The following BCLAF1 variants were observed in gnomAD, a reference collection of about 807,000 sequenced individuals.
BCLAF1 encodes BCL2 associated transcription factor 1.
In BCLAF1, 10 loss-of-function variants were observed where a neutral mutation model predicts 99.5. The ratio of observed to expected loss-of-function variants is 0.10; its 90% CI spans 0.06 to 0.17. BCLAF1 has a LOEUF of 0.17. Ranked by LOEUF, BCLAF1 falls within the 10% of genes least tolerant of loss-of-function variation. The pLI is 1.00. For synonymous variants in BCLAF1, 255 were observed against 370.9 expected (o/e 0.69, Z 3.59); for missense variants, 636 against 1,105.8 (o/e 0.58, Z 6.02).
At chr6:136,283,905 G>C (rs1784715494) in intron 1 of BCLAF1, among the ~76,000 whole-genome samples, 1 of 151,834 alleles carries the variant, frequency 6.6e-6, no homozygotes, top group East Asian at 1.9e-4. Context: ...GATTTCTAAA[G>C]GACATATAAG....
chr6:136,273,879 G>T, intron 6 of BCLAF1: 1 of 742,160 alleles, frequency 1.3e-6, no homozygotes, highest in Non-Finnish European at 1.8e-6. Context: ...ATAGAAAGAC[G>T]TATAAAGTCA....
chr6:136,263,840 G>GT (rs1781358713), intron 11 of BCLAF1, among the ~76,000 whole-genome samples: 1 of 152,110 alleles, frequency 6.6e-6, no homozygotes, highest in Non-Finnish European at 1.5e-5. Context: ...ACTAAAACTA[G>GT]TATCTTTCCT....
chr6:136,283,557 T>C (rs757689099), intron 1 of BCLAF1, among the ~76,000 whole-genome samples: 9 of 152,352 alleles, frequency 5.9e-5, no homozygotes, highest in African/African-American at 1.9e-4. Context: ...ACATCAAGTA[T>C]GTGCAAAGGA....
chr6:136,274,486 C>A (rs1442471979), intron 6 of BCLAF1, among the ~76,000 whole-genome samples: 2 of 151,762 alleles, frequency 1.3e-5, no homozygotes, highest in African/African-American at 4.8e-5. Flanking sequence ...CTACTCAGAG[C>A]CAAATAGCAA....
chr6:136,268,785 T>C (rs1178682035), intron 9 of BCLAF1: 3 of 166,898 alleles, frequency 1.8e-5, no homozygotes, highest in African/African-American at 4.8e-5. Flanking sequence ...GCATATGACA[T>C]TACAAATAAC....
rs755026500 is a variant in BCLAF1, at chr6:136,279,752, C to T, written c.104+11G>A. 8 of 1,548,816 alleles carry T rather than the reference C, an allele frequency of 5.2e-6. No individual in the cohort carries two copies. Among genetic ancestry groups the T allele is most frequent in the South Asian group, 5.1e-5 (4 of 77,830 alleles). Reference sequence around the variant, plus strand: ...ATAATTATTTTAAAAATTTAAAGCACATTAAATCACCTGTATCGCTTCTTT... The same window carrying T: ...ATAATTATTTTAAAAATTTAAAGCATATTAAATCACCTGTATCGCTTCTTT... On this transcript the variant is annotated intron_variant, in intron 3 of 12. Coordinates refer to ENST00000531224, the MANE Select transcript of BCLAF1 (RefSeq NM_014739.3).
In BCLAF1 at chr6:136,257,784, G is replaced by C. The variant is rs192412086; in HGVS notation, c.*3326C>G. The C allele has an allele frequency of 2.9e-4, 44 of 152,154 alleles. 1 individual carries two copies. Among genetic ancestry groups the C allele is most frequent in the Admixed American group, 2.4e-3 (37 of 15,296 alleles). The allele number at this position is 152,154 out of a possible 1,614,324, so 9.4% of individuals were successfully genotyped here. On this transcript the variant is annotated 3_prime_UTR_variant, in exon 13 of 13. Coordinates refer to ENST00000531224, the MANE Select transcript of BCLAF1 (RefSeq NM_014739.3). ...ACTCTGTAAATTGAGAAAGGCCTCT[G>C]AACTTCTCTTTCTGGATGTGAAAGT...
rs1676002774 is a variant in BCLAF1, at chr6:136,276,152, T to A, written c.1373A>T (p.Asn458Ile). Reference sequence around the variant, plus strand: ...ATATCCAGTCTCTTTAAGTTTATAATTTTTTTCTTCTCTAAATCCATCACT... The same window carrying A: ...ATATCCAGTCTCTTTAAGTTTATAAATTTTTTCTTCTCTAAATCCATCACT... The part of the protein sequence containing the change: ...RESDGFREEK[N>I]YKLKETGYVV... Residue 458 changes from asparagine (N) to isoleucine (I), a missense_variant, in exon 5 of 13, where the codon AAT becomes ATT. Coordinates refer to ENST00000531224, the MANE Select transcript of BCLAF1 (RefSeq NM_014739.3). The A allele has an allele frequency of 6.2e-7, 1 of 1,613,294 alleles. No homozygotes were observed. The highest frequency in any genetic ancestry group is 1.7e-5 in the Admixed American group (1 of 59,752).
chr6:136,269,608 T>C lies in BCLAF1; in HGVS notation c.2048A>G (p.Asp683Gly), dbSNP rs374000694. The change falls in exon 9 of 13, where the codon GAT becomes GGT. Residue 683 changes from aspartate to glycine, a missense_variant. By Grantham distance (94) the Asp-to-Gly change is moderately conservative. Transcript: ENST00000531224. ...RVFKEENQKG[D>G]KKLRCDSADL... ...AGCAGAGTCACACCTTAATTTTTTA[T>C]CTCCCTATAAAAGACAGATATAAAA... The C allele has an allele frequency of 6.5e-5, 103 of 1,592,754 alleles. No individual in the cohort carries two copies. Among genetic ancestry groups the C allele is most frequent in the Non-Finnish European group, 8.2e-5 (96 of 1,173,392 alleles).
intron 1 of BCLAF1, among the ~76,000 whole-genome samples, chr6:136,289,464 T>G (rs1265335566): frequency 2.0e-5 from 3 of 151,862 alleles, no homozygotes; most frequent in African/African-American, 4.8e-5. Context: ...GCTGTGGGTC[T>G]CCAGGCAGGT....
chr6:136,285,922 AC>A (rs1420157926), intron 1 of BCLAF1, among the ~76,000 whole-genome samples: 10 of 151,950 alleles, frequency 6.6e-5, no homozygotes, highest in Non-Finnish European at 1.5e-4. Context: ...ACATGGTGAA[AC>A]CCCGTCTCTA....
intron 11 of BCLAF1, among the ~76,000 whole-genome samples, chr6:136,264,919 C>G (rs1168726909): frequency 6.6e-6 from 1 of 152,104 alleles, no homozygotes; most frequent in African/African-American, 2.4e-5. Context: ...TGGCTAAATT[C>G]TTAAAATAAG....
In BCLAF1 at chr6:136,286,854, G is replaced by C. The variant is rs112684806; in HGVS notation, c.-115+2859C>G. On this transcript the variant is annotated intron_variant, in intron 1 of 12. Transcript: ENST00000531224. ...GTGGTGGCAGGCGCCTGTAATCCCA[G>C]TTACTCTGGAGGCTGAGGCAGGAGA... Among the ~76,000 whole-genome samples, 909 of 152,322 alleles carry C rather than the reference G, an allele frequency of 6.0e-3. 14 individuals are homozygous for C. Among genetic ancestry groups the C allele is most frequent in the South Asian group, 8.3e-3 (40 of 4,826 alleles).
chr6:136,262,209 C>T (rs1374242626), intron 11 of BCLAF1, among the ~76,000 whole-genome samples: 2 of 152,110 alleles, frequency 1.3e-5, no homozygotes, highest in Non-Finnish European at 2.9e-5. Context: ...CTGAAAAGTA[C>T]TTGACTTTGT....
Position 136,258,243 on chromosome 6 carries a change from A to T in BCLAF1, c.*2867T>A, listed in dbSNP as rs1780578197. On this transcript the variant is annotated 3_prime_UTR_variant, in exon 13 of 13. Coordinates refer to ENST00000531224, the MANE Select transcript of BCLAF1 (RefSeq NM_014739.3). ...GTTTTTAGAAAGAGAAGTAATCACC[A>T]TATTATGGGTGATAAGGTCCCAGAT... The T allele has an allele frequency of 6.6e-6, 1 of 152,126 alleles. No homozygotes were observed. 9.4% of individuals were successfully genotyped at this position (152,126 alleles called of 1,614,324 possible). A position where few individuals can be genotyped will look rare whatever the true frequency, so the allele number is the denominator to read the frequency against.
chr6:136,275,825 G>T lies in BCLAF1; in HGVS notation c.1682+18C>A, dbSNP rs9494496. Reference sequence around the variant, plus strand: ...TGACTGCCCACAGATTATTTACTGGGCATCAATATGGAATTACCTGTTAGA... The same window carrying T: ...TGACTGCCCACAGATTATTTACTGGTCATCAATATGGAATTACCTGTTAGA... On this transcript the variant is annotated intron_variant, in intron 5 of 12. Coordinates refer to ENST00000531224, the MANE Select transcript of BCLAF1 (RefSeq NM_014739.3). 292 of 1,601,680 alleles carry T rather than the reference G, an allele frequency of 1.8e-4. 1 individual carries two copies. In the African/African-American group the frequency reaches 3.3e-3, roughly 18 times the overall value.
At chr6:136,288,584 G>C (rs1460938055) in intron 1 of BCLAF1, among the ~76,000 whole-genome samples, 1 of 152,188 alleles carries the variant, frequency 6.6e-6, no homozygotes, top group African/African-American at 2.4e-5. Context: ...TGAGGTACAA[G>C]TCTGAAGTAG....
At chr6:136,278,906 G>A in intron 3 of BCLAF1, 130 bp from the exon 4 acceptor site, 1 of 903,300 alleles carries the variant, frequency 1.1e-6, no homozygotes, top group Admixed American at 3.4e-5. Flanking sequence ...AAACTCATCT[G>A]TACAAAAGTT....
chr6:136,259,012 C>G lies in BCLAF1; in HGVS notation c.*2098G>C, dbSNP rs1780660215. The G allele has an allele frequency of 6.6e-6, 1 of 152,410 alleles. No homozygotes were observed. The highest frequency in any genetic ancestry group is 2.4e-5 in the African/African-American group (1 of 41,434). 9.4% of individuals were successfully genotyped at this position (152,410 alleles called of 1,614,324 possible). On this transcript the variant is annotated 3_prime_UTR_variant, in exon 13 of 13. Coordinates refer to ENST00000531224, the MANE Select transcript of BCLAF1 (RefSeq NM_014739.3). Reference sequence around the variant, plus strand: ...AATATCCTTACCAAGAGGAACCATTCAACTTTTATAATATCGTAAAGCGTG... The same window carrying G: ...AATATCCTTACCAAGAGGAACCATTGAACTTTTATAATATCGTAAAGCGTG...
Sources: allele counts gnomAD v4.1 joint callset (sites outside exome capture counted in the v4.1 genomes callset), GRCh38; gene constraint gnomAD v4.1.1; transcripts MANE v1.5; gene names NCBI Gene and HGNC (gene_info 2026-07-23, HGNC 2026-07-21).